Variants in PTPRG observed in about 807,000 individuals in gnomAD.
The protein encoded by PTPRG is protein tyrosine phosphatase receptor type G, also known as receptor-type tyrosine-protein phosphatase gamma.
Under a neutral mutation model 165.3 loss-of-function variants are expected in PTPRG, and 102 were observed. The ratio of observed to expected loss-of-function variants is 0.62; its 90% confidence interval spans 0.53 to 0.73. PTPRG has a LOEUF of 0.73. Among genes scored for constraint, PTPRG ranks in the 30% least tolerant of loss-of-function variants. The pLI, the probability that PTPRG is intolerant of heterozygous loss-of-function variation, is 0.00. For missense variants in PTPRG, 1,866 were observed against 1,861.4 expected (o/e 1.00, Z -0.05); for synonymous variants, 675 against 669.5 (o/e 1.01, Z -0.13).
intron 25 of PTPRG, among the ~76,000 whole-genome samples, chr3:62,277,255 C>T (rs1271197302): frequency 1.3e-5 from 2 of 152,096 alleles, no homozygotes; most frequent in Non-Finnish European, 2.9e-5. Flanking sequence ...CAGAATGCTT[C>T]TTAAGGAATT....
At chr3:62,027,519 G>A (rs1172588160) in intron 4 of PTPRG, among the ~76,000 whole-genome samples, 1 of 152,156 alleles carries the variant, frequency 6.6e-6, no homozygotes, top group Non-Finnish European at 1.5e-5. Context: ...GATCCTGGCT[G>A]AAAGCAAGTG....
intron 2 of PTPRG, among the ~76,000 whole-genome samples, chr3:61,853,614 A>T (rs1190175133): frequency 6.6e-6 from 1 of 152,234 alleles, no homozygotes; most frequent in Non-Finnish European, 1.5e-5. Flanking sequence ...AGAACTGCAC[A>T]GCTAAGCCAT....
At chr3:61,696,343 A>G (rs1027890373) in intron 1 of PTPRG, among the ~76,000 whole-genome samples, 1 of 152,088 alleles carries the variant, frequency 6.6e-6, no homozygotes, top group African/African-American at 2.4e-5. Context: ...CTCTACTAAA[A>G]ATACAAAAAT....
At chr3:61,746,231 T>TTTTTTTTTTTC (rs2033199598) in intron 1 of PTPRG, among the ~76,000 whole-genome samples, 1 of 72,840 alleles carries the variant, frequency 1.4e-5, no homozygotes, top group Non-Finnish European at 3.1e-5. Context: ...TTTTTTTTTT[T>TTTTTTTTTTTC]TTTTTGAGAC....
intron 2 of PTPRG, among the ~76,000 whole-genome samples, chr3:61,839,393 C>T (rs1370350971): frequency 6.6e-6 from 1 of 152,092 alleles, no homozygotes; most frequent in Non-Finnish European, 1.5e-5. Context: ...AAAATATGTC[C>T]AGCTGCTCCT....
intron 14 of PTPRG, among the ~76,000 whole-genome samples, chr3:62,234,712 C>T (rs1700983618): frequency 6.6e-6 from 1 of 151,724 alleles, no homozygotes; most frequent in Non-Finnish European, 1.5e-5. Context: ...TATTTTTTCC[C>T]AATTCATAGT....
At position 61,861,447 on chromosome 3, in the gene PTPRG, C is replaced by T. The variant is rs560999240; in HGVS notation, c.190+112465C>T. ...GGCAGAAAATGCTGTCTTCCTTTTG[C>T]TGTCTTGCCACAGTTCCCTGTTATT... On this transcript the variant is annotated intron_variant, in intron 2 of 29. Transcript: ENST00000474889. 1.7e-4 allele frequency among the ~76,000 whole-genome samples: 26 copies of T among 152,186 alleles called. 1 individual carries two copies. Among genetic ancestry groups the T allele is most frequent in the Non-Finnish European group, 3.4e-4 (23 of 68,040 alleles).
At chr3:62,026,052 T>C (rs1027907113) in intron 4 of PTPRG, among the ~76,000 whole-genome samples, 1 of 152,224 alleles carries the variant, frequency 6.6e-6, no homozygotes, top group Non-Finnish European at 1.5e-5. Context: ...CATTAAAGTA[T>C]GCAGTGCCAT....
chr3:61,664,298 C>G (rs1387521667), intron 1 of PTPRG, among the ~76,000 whole-genome samples: 1 of 152,168 alleles, frequency 6.6e-6, no homozygotes, highest in Non-Finnish European at 1.5e-5. Flanking sequence ...AGTTACCCAG[C>G]AGGAAGCCAC....
At chr3:61,829,391 A>G (rs2036206307) in intron 2 of PTPRG, among the ~76,000 whole-genome samples, 1 of 152,232 alleles carries the variant, frequency 6.6e-6, no homozygotes, top group Admixed American at 6.5e-5. Context: ...TTCCGTGGCC[A>G]GGGCCAAACA....
chr3:62,266,458 A>G (rs991010207), intron 17 of PTPRG, among the ~76,000 whole-genome samples: 1 of 152,180 alleles, frequency 6.6e-6, no homozygotes, highest in African/African-American at 2.4e-5. Context: ...CTACTAAGGC[A>G]TAACGGTTTG....
intron 2 of PTPRG, among the ~76,000 whole-genome samples, chr3:61,781,482 A>G (rs1237275699): frequency 1.3e-5 from 2 of 152,048 alleles, no homozygotes; most frequent in Non-Finnish European, 2.9e-5. Flanking sequence ...TGAATTTGGG[A>G]TACATATCAT....
At chr3:62,064,330 A>G (rs1170841713) in intron 4 of PTPRG, among the ~76,000 whole-genome samples, 1 of 152,188 alleles carries the variant, frequency 6.6e-6, no homozygotes, top group Non-Finnish European at 1.5e-5. Flanking sequence ...CACAAACTAT[A>G]CTGAGTTGTA....
chr3:61,711,428 ATCTGTTGTT>A (rs1362996760), intron 1 of PTPRG, among the ~76,000 whole-genome samples: 1 of 152,208 alleles, frequency 6.6e-6, no homozygotes, highest in Non-Finnish European at 1.5e-5. Flanking sequence ...CCTCTCCAGC[ATCTGTTGTT>A]TCCTGACTTT....
intron 5 of PTPRG, among the ~76,000 whole-genome samples, chr3:62,116,654 T>G (rs1341656296): frequency 2.0e-5 from 3 of 152,164 alleles, no homozygotes; most frequent in Admixed American, 6.5e-5. Context: ...TTCTGGAAAT[T>G]TTTGTCTTCA....
At chr3:62,027,343 G>C (rs1405728554) in intron 4 of PTPRG, among the ~76,000 whole-genome samples, 1 of 152,060 alleles carries the variant, frequency 6.6e-6, no homozygotes, top group Non-Finnish European at 1.5e-5. Flanking sequence ...CTGACCTCCA[G>C]TCCCTATACT....
chr3:62,016,883 C>T lies in PTPRG; in HGVS notation c.519+13386C>T, dbSNP rs1048688968. On this transcript the variant is annotated intron_variant, in intron 4 of 29. Transcript: ENST00000474889. ...ATTATCCCTCACTCCTTTCCTAAGC[C>T]GTCTTATCATTTCATGCTCTCTCCT... is the stretch of plus-strand genomic sequence containing the variant. Among the ~76,000 whole-genome samples the T allele has an allele frequency of 3.3e-5, 5 of 152,284 alleles. No individual in the cohort carries two copies. In the South Asian group the frequency reaches 8.3e-4, roughly 25 times the overall value.
intron 5 of PTPRG, among the ~76,000 whole-genome samples, chr3:62,092,599 A>T (rs555048977): frequency 1.7e-4 from 26 of 152,290 alleles, no homozygotes; most frequent in African/African-American, 6.3e-4. Context: ...ATTAAATCTC[A>T]GTTCTGCCCA....
intron 2 of PTPRG, chr3:61,770,204 C>T (rs1200058976): frequency 1.3e-5 from 2 of 152,020 alleles, no homozygotes; most frequent in African/African-American, 4.8e-5. Context: ...AAATGACAGC[C>T]AGGAGTTGCT....
Sources: allele counts gnomAD v4.1 joint callset (sites outside exome capture counted in the v4.1 genomes callset), GRCh38; gene constraint gnomAD v4.1.1; transcripts MANE v1.5; gene names NCBI Gene and HGNC (gene_info 2026-07-23, HGNC 2026-07-21).